Variants in TBC1D2 observed in about 807,000 individuals in gnomAD.
The protein encoded by TBC1D2 is TBC1 domain family member 2A.
In TBC1D2, 58 loss-of-function variants were observed where a neutral mutation model predicts 91.1. That is an observed-to-expected ratio of 0.64 (90% CI 0.52 to 0.79). The LOEUF (loss-of-function observed/expected upper bound fraction) is 0.79, where lower values mean the gene tolerates loss of function less well. Among genes scored for constraint, TBC1D2 ranks in the 30% least tolerant of loss-of-function variants. The pLI, the probability that TBC1D2 is intolerant of heterozygous loss-of-function variation, is 0.00. For missense variants in TBC1D2, 1,080 were observed against 1,208.3 expected (o/e 0.89, Z 1.57); for synonymous variants, 482 against 511.5 (o/e 0.94, Z 0.78).
chr9:98,219,534 T>C (rs1588042597), intron 6 of TBC1D2, among the ~76,000 whole-genome samples: 1 of 152,220 alleles, frequency 6.6e-6, no homozygotes, highest in East Asian at 1.9e-4. Flanking sequence ...GCAAACATTG[T>C]AGACTGGACG....
intron 9 of TBC1D2, among the ~76,000 whole-genome samples, chr9:98,206,041 T>C (rs896168671): frequency 6.6e-6 from 1 of 152,116 alleles, no homozygotes; most frequent in African/African-American, 2.4e-5. Flanking sequence ...CAGGCTGGAG[T>C]GCAGTGGTGC....
chr9:98,199,700 G>T, intron 12 of TBC1D2, 112 bp from the exon 13 acceptor site: 1 of 1,101,688 alleles, frequency 9.1e-7, no homozygotes, highest in Non-Finnish European at 1.4e-6. Context: ...GCTGAGCCCT[G>T]ACCCCTGCCC....
chr9:98,255,169 T>C lies in TBC1D2; in HGVS notation c.369+4A>G. The C allele has an allele frequency of 1.9e-6, 3 of 1,596,058 alleles. No homozygotes were observed. The highest frequency in any genetic ancestry group is 2.6e-6 in the Non-Finnish European group (3 of 1,167,268). On this transcript the variant is annotated splice_donor_region_variant and intron_variant, in intron 1 of 12. Transcript: ENST00000465784. ...GAAAGGAGAAAGTCGTTGCAGGAAT[T>C]TACCTTCAGGGTAATAACCCGGCTG...
At chr9:98,250,474 GC>G (rs111903092) in intron 2 of TBC1D2, among the ~76,000 whole-genome samples, 9,178 of 152,234 alleles carry the variant, frequency 0.06, 329 homozygotes, top group Middle Eastern at 0.095. Context: ...AGCGAGAAAG[GC>G]CTGGGTCTGA....
At chr9:98,251,991 A>G in intron 1 of TBC1D2, 65 bp from the exon 2 acceptor site, 1 of 1,539,220 alleles carries the variant, frequency 6.5e-7, no homozygotes, top group South Asian at 1.2e-5. Context: ...GTGCAGGAAG[A>G]GGGGAAGGTT....
In TBC1D2 at chr9:98,233,511, T is replaced by C. The variant is rs182371485; in HGVS notation, c.686A>G (p.Gln229Arg). 3.1e-6 allele frequency: 5 copies of C among 1,614,216 alleles called. No homozygotes were observed. The part of the protein sequence containing the change: ...MHNIRGNKQA[Q>R]GTGHEPPGED... ...CCCTGGAGGTTCATGGCCTGTTCCC[T>C]GGGCCTGCTTGTTGCCACGGATGTT... The change falls in exon 4 of 13, where the codon CAG (glutamine) becomes CGG (arginine). Residue 229 changes from glutamine (Q) to arginine (R), a missense_variant. Coordinates refer to ENST00000465784, the MANE Select transcript of TBC1D2 (RefSeq NM_001267571.2).
chr9:98,216,128 C>T (rs1828963761), intron 6 of TBC1D2, among the ~76,000 whole-genome samples: 1 of 152,232 alleles, frequency 6.6e-6, no homozygotes, highest in African/African-American at 2.4e-5. Flanking sequence ...TTAACCTCAT[C>T]CTCTCATCTG....
chr9:98,219,109 T>C (rs1436710570), intron 6 of TBC1D2, among the ~76,000 whole-genome samples: 1 of 152,184 alleles, frequency 6.6e-6, no homozygotes, highest in African/African-American at 2.4e-5. Flanking sequence ...CGGGAACTGG[T>C]TATGTGGGTT....
At chr9:98,225,653 GT>G (rs1829215219) in intron 5 of TBC1D2, among the ~76,000 whole-genome samples, 1 of 152,192 alleles carries the variant, frequency 6.6e-6, no homozygotes, top group African/African-American at 2.4e-5. Context: ...GAGAACCTCA[GT>G]TTCCCTTTCA....
rs1588049111 is a variant in TBC1D2 at position 98,227,513 on chromosome 9, T to C, written c.978+1439A>G. Among the ~76,000 whole-genome samples, 6 of 152,150 alleles carry C rather than the reference T, an allele frequency of 3.9e-5. 1 individual carries two copies. The highest frequency in any genetic ancestry group is 3.9e-4 in the Admixed American group (6 of 15,276). On this transcript the variant is annotated intron_variant, in intron 5 of 12. Coordinates refer to ENST00000465784, the MANE Select transcript of TBC1D2 (RefSeq NM_001267571.2). ...GGCTCACGCCTGTAATCCCAGCACT[T>C]TGGGAGGCTGAGGTGGGCAGATCAC...
intron 3 of TBC1D2, among the ~76,000 whole-genome samples, 162 bp downstream of exon 3, chr9:98,243,832 C>A (rs983353022): frequency 5.9e-5 from 9 of 152,154 alleles, no homozygotes; most frequent in Non-Finnish European, 1.2e-4. Context: ...CCACCACACC[C>A]GGCCAAATGT....
At chr9:98,223,925 C>T (rs919371286) in intron 5 of TBC1D2, among the ~76,000 whole-genome samples, 13 of 152,284 alleles carry the variant, frequency 8.5e-5, no homozygotes, top group African/African-American at 2.6e-4. Flanking sequence ...TTGGGCCGGG[C>T]GTGGTGGCTC....
At chr9:98,248,296 A>G (rs920108549) in intron 2 of TBC1D2, among the ~76,000 whole-genome samples, 1 of 152,278 alleles carries the variant, frequency 6.6e-6, no homozygotes, top group African/African-American at 2.4e-5. Flanking sequence ...AACAGAGACC[A>G]GCACTTCCCA....
At position 98,255,251 on chromosome 9, in the gene TBC1D2, A is replaced by G. The variant is rs1240767704; in HGVS notation, c.291T>C (p.Ser97=). Residue 97 remains serine (S), a synonymous_variant, in exon 1 of 13, where the codon AGT becomes AGC. Coordinates refer to ENST00000465784, the MANE Select transcript of TBC1D2 (RefSeq NM_001267571.2). The stretch of plus-strand genomic sequence containing the variant: ...CGTCCGCCTTACAGTCAAACACTGC[A>G]CTGGAGAGGTCGATGCTGTCCAAGG... The part of the protein sequence containing the change: ...ANPLDSIDLS[S]AVFDCKADAE... The G allele has an allele frequency of 6.2e-7, 1 of 1,614,212 alleles. No homozygotes were observed. The highest frequency in any genetic ancestry group is 8.5e-7 in the Non-Finnish European group (1 of 1,180,032).
chr9:98,255,110 C>G (rs766280058), intron 1 of TBC1D2, 63 bp downstream of exon 1: 33 of 1,548,982 alleles, frequency 2.1e-5, no homozygotes, highest in Non-Finnish European at 2.6e-5. Flanking sequence ...TCGCGCCCAG[C>G]CTTGCCCTGC....
intron 6 of TBC1D2, among the ~76,000 whole-genome samples, chr9:98,220,184 G>T (rs1295459360): frequency 1.3e-5 from 2 of 152,182 alleles, no homozygotes; most frequent in Non-Finnish European, 2.9e-5. Context: ...CCCAGCTCCA[G>T]CTCCTCCACT....
chr9:98,250,346 T>G (rs1829847034), intron 2 of TBC1D2, among the ~76,000 whole-genome samples: 1 of 151,740 alleles, frequency 6.6e-6, no homozygotes, highest in South Asian at 2.1e-4. Context: ...GGGTCAGGTT[T>G]AAGAAAGCTC....
rs762096683 is a variant in TBC1D2 at position 98,243,978 on chromosome 9, C to T, written c.647+16G>A. The T allele has an allele frequency of 1.3e-6, 2 of 1,593,084 alleles. No individual in the cohort carries two copies. The highest frequency in any genetic ancestry group is 1.7e-6 in the Non-Finnish European group (2 of 1,169,886). On this transcript the variant is annotated intron_variant, in intron 3 of 12. Transcript: ENST00000465784. ...GCCTGCAGCTTGGCTAGCCCCTCAG[C>T]TCCACTGGCACTTACTGTATTTCAG...
chr9:98,254,646 T>C (rs145108718), intron 1 of TBC1D2, among the ~76,000 whole-genome samples: 2 of 152,212 alleles, frequency 1.3e-5, no homozygotes, highest in Non-Finnish European at 1.5e-5. Flanking sequence ...AGATGAACAA[T>C]CTAGGCTGAT....
Sources: allele counts gnomAD v4.1 joint callset (sites outside exome capture counted in the v4.1 genomes callset), GRCh38; gene constraint gnomAD v4.1.1; transcripts MANE v1.5; gene names NCBI Gene and HGNC (gene_info 2026-07-23, HGNC 2026-07-21).